SCN8A: variants seen among roughly 807,000 people sequenced by gnomAD.
The protein encoded by SCN8A is sodium channel protein type 8 subunit alpha.
In SCN8A, 30 loss-of-function variants were observed where a neutral mutation model predicts 184.1. That is an observed-to-expected ratio of 0.16 (90% CI 0.12 to 0.22). The LOEUF is 0.22. Ranked by LOEUF, SCN8A falls within the 10% of genes least tolerant of loss-of-function variation. The pLI, the probability that SCN8A is intolerant of heterozygous loss-of-function variation, is 1.00. For missense variants in SCN8A, 1,057 were observed against 2,498.9 expected (o/e 0.42, Z 12.30); for synonymous variants, 852 against 907.0 (o/e 0.94, Z 1.09).
intron 19 of SCN8A, among the ~76,000 whole-genome samples, chr12:51,772,183 G>T (rs1464161971): frequency 1.3e-5 from 2 of 152,038 alleles, no homozygotes; most frequent in Admixed American, 6.5e-5. Flanking sequence ...ATCACCTGAG[G>T]TTGGGAGTTC....
At chr12:51,669,541 T>C (rs1192361329) in intron 2 of SCN8A, among the ~76,000 whole-genome samples, 6 of 152,218 alleles carry the variant, frequency 3.9e-5, no homozygotes, top group Admixed American at 1.3e-4. Flanking sequence ...TAGTTTTACC[T>C]TTTGATATTC....
intron 14 of SCN8A, among the ~76,000 whole-genome samples, chr12:51,757,630 C>T (rs1942696995): frequency 6.6e-6 from 1 of 152,168 alleles, no homozygotes. Flanking sequence ...TGACCACAGG[C>T]TAGTCCAAAC....
chr12:51,647,555 G>C, intron 1 of SCN8A, among the ~76,000 whole-genome samples: 1 of 152,222 alleles, frequency 6.6e-6, no homozygotes, highest in Non-Finnish European at 1.5e-5. Context: ...TCACCAGGCT[G>C]ACGAGGTCCC....
At chr12:51,623,065 A>G (rs1173433258) in intron 1 of SCN8A, among the ~76,000 whole-genome samples, 1 of 151,812 alleles carries the variant, frequency 6.6e-6, no homozygotes, top group Non-Finnish European at 1.5e-5. Flanking sequence ...CTACTTGAGC[A>G]CCTCCCTACT....
intron 11 of SCN8A, among the ~76,000 whole-genome samples, chr12:51,710,670 G>A (rs993499): frequency 0.88 from 134,596 of 152,230 alleles, 59,741 homozygotes; most frequent in East Asian, 0.97. Flanking sequence ...AAAAAAACAA[G>A]AACAAAAACA....
intron 11 of SCN8A, chr12:51,713,025 A>G (rs138069097): frequency 1.5e-5 from 24 of 1,559,274 alleles, no homozygotes; most frequent in Non-Finnish European, 2.0e-5. Context: ...CTTCACAATT[A>G]TGCCCATTAA....
intron 11 of SCN8A, among the ~76,000 whole-genome samples, chr12:51,709,832 G>T (rs761632022): frequency 6.6e-6 from 1 of 152,162 alleles, no homozygotes; most frequent in Non-Finnish European, 1.5e-5. Context: ...TAACAGAAAA[G>T]GGACCCTTGT....
At chr12:51,785,723 T>G (rs1284073002) in intron 21 of SCN8A, among the ~76,000 whole-genome samples, 1 of 152,182 alleles carries the variant, frequency 6.6e-6, no homozygotes, top group Non-Finnish European at 1.5e-5. Context: ...ATGCCAATTT[T>G]TTTAGTTTCA....
chr12:51,735,203 T>C (rs530894983), intron 12 of SCN8A, among the ~76,000 whole-genome samples: 3 of 152,336 alleles, frequency 2.0e-5, no homozygotes, highest in Admixed American at 6.5e-5. Context: ...ATTTCTACCA[T>C]GTGATCAGTT....
At chr12:51,758,501 A>C (rs1457654291) in intron 14 of SCN8A, among the ~76,000 whole-genome samples, 1 of 152,148 alleles carries the variant, frequency 6.6e-6, no homozygotes, top group Non-Finnish European at 1.5e-5. Flanking sequence ...GCAGTGGCAC[A>C]ATCTCGGCTC....
chr12:51,792,180 A>G (rs1051641239), intron 25 of SCN8A, among the ~76,000 whole-genome samples: 17 of 152,036 alleles, frequency 1.1e-4, no homozygotes, highest in Admixed American at 1.0e-3. Context: ...AGGAGGGTCT[A>G]CTTGAGTGGA....
At chr12:51,679,248 A>G (rs1241957885) in intron 2 of SCN8A, among the ~76,000 whole-genome samples, 1 of 152,066 alleles carries the variant, frequency 6.6e-6, no homozygotes. Context: ...ACAAAAAATA[A>G]AAATAAAAGA....
At chr12:51,620,790 C>T (rs996776525) in intron 1 of SCN8A, among the ~76,000 whole-genome samples, 6 of 151,444 alleles carry the variant, frequency 4.0e-5, no homozygotes, top group Non-Finnish European at 8.8e-5. Flanking sequence ...GAGTTTGAGA[C>T]CAGTCTGGGC....
intron 6 of SCN8A, among the ~76,000 whole-genome samples, chr12:51,693,363 T>A (rs1941542577): frequency 6.6e-6 from 1 of 152,244 alleles, no homozygotes; most frequent in Non-Finnish European, 1.5e-5. Flanking sequence ...TGACCCATCT[T>A]TGAGAGCTAG....
At chr12:51,600,679 A>G (rs975446890) in intron 1 of SCN8A, among the ~76,000 whole-genome samples, 2 of 152,194 alleles carry the variant, frequency 1.3e-5, no homozygotes, top group Non-Finnish European at 2.9e-5. Flanking sequence ...GGGTTCTGCT[A>G]CTGCCCTTTC....
At chr12:51,733,296 C>T (rs934041839) in intron 12 of SCN8A, among the ~76,000 whole-genome samples, 35 of 152,078 alleles carry the variant, frequency 2.3e-4, no homozygotes, top group African/African-American at 8.0e-4. Flanking sequence ...GCTTTTTCAA[C>T]GTCAATTGAA....
rs752848031 is a variant in SCN8A at position 51,807,208 on chromosome 12, G to A, written c.5722G>A (p.Gly1908Arg). 1.2e-6 allele frequency: 2 copies of A among 1,613,816 alleles called. No individual in the cohort carries two copies. The highest frequency in any genetic ancestry group is 2.7e-5 in the African/African-American group (2 of 74,902). Residue 1908 changes from glycine to arginine, a missense_variant, in exon 27 of 27, where the codon GGA becomes AGA. Physicochemically the swap from Gly to Arg is moderately radical, Grantham distance 125. Transcript: ENST00000627620. This position sits in a 1 kb window ranked among gnomAD's most constrained non-coding sequence, Gnocchi z 4.5. ...AGTGGTCCTGCAGCGTGCCTACCGG[G>A]GACATTTGGCAAGGCGGGGCTTCAT... ...SAVVLQRAYRGHLARRGFICK... is the reference protein window; with the variant it reads ...SAVVLQRAYRRHLARRGFICK...
intron 1 of SCN8A, among the ~76,000 whole-genome samples, chr12:51,661,965 G>A (rs139153314): frequency 1.3e-4 from 20 of 152,280 alleles, no homozygotes; most frequent in East Asian, 1.9e-4. Context: ...TCACGTCTCC[G>A]TCCTTCCTGG....
intron 14 of SCN8A, 50 bp from the exon 15 acceptor site, chr12:51,762,453 A>T: frequency 6.6e-7 from 1 of 1,514,340 alleles, no homozygotes; most frequent in Non-Finnish European, 9.1e-7. Flanking sequence ...TGATAAAGGC[A>T]TTCTCTTTCT....
Sources: allele counts gnomAD v4.1 joint callset (sites outside exome capture counted in the v4.1 genomes callset), GRCh38; gene constraint gnomAD v4.1.1; non-coding constraint Gnocchi (gnomAD v3.1); transcripts MANE v1.5; gene names NCBI Gene and HGNC (gene_info 2026-07-23, HGNC 2026-07-21).